DCBLD2: variants seen among roughly 807,000 people sequenced by gnomAD.
DCBLD2 encodes discoidin, CUB and LCCL domain-containing protein 2.
A neutral mutation model predicts 86.8 loss-of-function variants in DCBLD2; 54 were observed. The observed-to-expected ratio is 0.62, with a 90% CI of 0.50 to 0.78. The LOEUF (loss-of-function observed/expected upper bound fraction) is 0.78. Among genes scored for constraint, DCBLD2 ranks in the 30% least tolerant of loss-of-function variants. The pLI, the probability that DCBLD2 is intolerant of heterozygous loss-of-function variation, is 0.00. For synonymous variants in DCBLD2, 354 were observed against 341.3 expected (o/e 1.04, Z -0.41); for missense variants, 908 against 954.2 (o/e 0.95, Z 0.64).
At chr3:98,875,304 C>T (rs973643538) in intron 2 of DCBLD2, among the ~76,000 whole-genome samples, 4 of 152,084 alleles carry the variant, frequency 2.6e-5, no homozygotes, top group Admixed American at 6.5e-5. Flanking sequence ...AAAACACCTC[C>T]ATCTCCATTG....
Position 98,870,737 on chromosome 3 carries a change from A to AAAAGAAAGAAAGAAAGAAAGAAAGAG in DCBLD2, c.433+10802_433+10803insCTCTTTCTTTCTTTCTTTCTTTCTTT, listed in dbSNP as rs1943252689. ...AAGAAAAAGGAAAAGAAAAGAAAGA[A>AAAAGAAAGAAAGAAAGAAAGAAAGAG]AAAGAAAGAAAGAAAGAAAGAAAGA... On this transcript the variant is annotated intron_variant, in intron 2 of 15. Transcript: ENST00000326840. Among the ~76,000 whole-genome samples the AAAAGAAAGAAAGAAAGAAAGAAAGAG allele has an allele frequency of 4.4e-3, 310 of 69,800 alleles. 4 individuals are homozygous for AAAAGAAAGAAAGAAAGAAAGAAAGAG. Among genetic ancestry groups the AAAAGAAAGAAAGAAAGAAAGAAAGAG allele is most frequent in the Middle Eastern group, 6.7e-3 (1 of 150 alleles). The allele number at this position is 69,800 out of a possible 152,430, so 45.8% of individuals were successfully genotyped here.
chr3:98,814,572 T>C (rs947473647), intron 9 of DCBLD2: 1 of 152,148 alleles, frequency 6.6e-6, no homozygotes, highest in Non-Finnish European at 1.5e-5. Context: ...TATGGCATAA[T>C]GTTAGAAAGT....
intron 14 of DCBLD2, 64 bp downstream of exon 14, chr3:98,801,536 C>T: frequency 7.5e-7 from 1 of 1,338,546 alleles, no homozygotes; most frequent in Admixed American, 2.0e-5. Flanking sequence ...TTTTTCACTA[C>T]TGCCCCCTGT....
Position 98,822,285 on chromosome 3 carries a change from A to G in DCBLD2, c.773T>C (p.Ile258Thr), listed in dbSNP as rs370306213. ...NTLGGQISVV[I>T]SKGIPYYESS... ...TTCATAATAGGGGATACCTTTACTAATTACAACACTGATTTGGCCGCCCAA... is the reference window on the plus strand; with the variant it reads ...TTCATAATAGGGGATACCTTTACTAGTTACAACACTGATTTGGCCGCCCAA... The change falls in exon 6 of 16, where the codon ATT (isoleucine) becomes ACT (threonine). Residue 258 changes from isoleucine (I) to threonine (T), a missense_variant. Ile to Thr is a moderately conservative substitution (Grantham distance 89). Around this residue, in one of 3 missense-constraint regions of DCBLD2, gnomAD observed 606 missense variants for 678.5 expected, o/e 0.89. Coordinates refer to ENST00000326840, the MANE Select transcript of DCBLD2 (RefSeq NM_080927.4). 18 of 1,613,810 alleles carry G rather than the reference A, an allele frequency of 1.1e-5. No homozygotes were observed. The highest frequency in any genetic ancestry group is 1.5e-5 in the Non-Finnish European group (18 of 1,179,868).
intron 1 of DCBLD2, among the ~76,000 whole-genome samples, chr3:98,886,141 A>T (rs1401170432): frequency 1.3e-5 from 2 of 151,954 alleles, no homozygotes; most frequent in Non-Finnish European, 2.9e-5. Context: ...ATCAGCAGTT[A>T]TACTAAAGAG....
At chr3:98,821,441 C>A (rs1942116975) in intron 6 of DCBLD2, among the ~76,000 whole-genome samples, 1 of 152,210 alleles carries the variant, frequency 6.6e-6, no homozygotes, top group African/African-American at 2.4e-5. Flanking sequence ...CATGAAAATA[C>A]ATCTTCAAAA....
chr3:98,888,895 C>T (rs549837003), intron 1 of DCBLD2, among the ~76,000 whole-genome samples: 8 of 152,098 alleles, frequency 5.3e-5, no homozygotes, highest in African/African-American at 1.7e-4. Flanking sequence ...GAAACTACTC[C>T]CAACTCTGAA....
intron 1 of DCBLD2, among the ~76,000 whole-genome samples, chr3:98,896,105 C>T (rs1337488251): frequency 6.6e-6 from 1 of 152,222 alleles, no homozygotes; most frequent in African/African-American, 2.4e-5. Context: ...AGCAGCAAAT[C>T]AAAGTTTTTC....
Position 98,901,177 on chromosome 3 carries a change from G to A in DCBLD2, c.150C>T (p.Phe50=), listed in dbSNP as rs765051682. 23 of 1,537,848 alleles carry A rather than the reference G, an allele frequency of 1.5e-5. No individual in the cohort carries two copies. Among genetic ancestry groups the A allele is most frequent in the Admixed American group, 3.9e-5 (2 of 50,994 alleles). The change falls in exon 1 of 16, where the codon TTC becomes TTT. Residue 50 remains phenylalanine (F), a synonymous_variant. Transcript: ENST00000326840. ...GGAGCAGGACAAGTAAGAGCAGGAG[G>A]AACAGAGGCATGGAGAAGGAGGAGG... is the stretch of plus-strand genomic sequence containing the variant. The part of the protein sequence containing the change: ...SNSSSFSMPL[F]LLLLLVLLLL...
intron 9 of DCBLD2, chr3:98,815,329 A>G (rs1258822688): frequency 2.0e-5 from 3 of 152,192 alleles, no homozygotes; most frequent in Admixed American, 1.3e-4. Flanking sequence ...AGTACTTAGA[A>G]CAGTATTGTC....
intron 13 of DCBLD2, among the ~76,000 whole-genome samples, chr3:98,803,693 G>A (rs78044496): frequency 0.31 from 46,835 of 151,990 alleles, 8,628 homozygotes; most frequent in East Asian, 0.68. Flanking sequence ...GTCATACATA[G>A]CTCTTATTAT....
intron 2 of DCBLD2, among the ~76,000 whole-genome samples, chr3:98,869,130 CTTCT>C (rs969371238): frequency 6.6e-6 from 1 of 152,070 alleles, no homozygotes; most frequent in Non-Finnish European, 1.5e-5. Context: ...TGTTTTTTGA[CTTCT>C]TAATGGCCAT....
rs1300455306 is a variant in DCBLD2, at chr3:98,901,286, T to C, written c.41A>G (p.Gln14Arg). The change falls in exon 1 of 16, where the codon CAG becomes CGG. Residue 14 changes from glutamine (Q) to arginine (R), a missense_variant. This residue lies in a region of DCBLD2 where 294 missense variants were observed against 256.0 expected (regional missense o/e 1.15). Transcript: ENST00000326840. ...RAVVRARRCP[Q>R]CPQVRAAAAA... ...GGCCGCGGCCCGGACTTGGGGACAC[T>C]GCGGGCAGCGCCTGGCTCTCACCAC... 14 of 1,524,410 alleles carry C rather than the reference T, an allele frequency of 9.2e-6. No homozygotes were observed. Among genetic ancestry groups the C allele is most frequent in the African/African-American group, 1.4e-5 (1 of 72,150 alleles). 94.4% of individuals were successfully genotyped at this position (1,524,410 alleles called of 1,614,324 possible).
intron 2 of DCBLD2, among the ~76,000 whole-genome samples, chr3:98,871,985 C>G (rs909688589): frequency 6.6e-6 from 1 of 152,250 alleles, no homozygotes; most frequent in African/African-American, 2.4e-5. Flanking sequence ...TTGGTCCATT[C>G]AGGATTTCTG....
In DCBLD2 at chr3:98,901,422, G is replaced by T; in HGVS notation, c.-96C>A. 3 of 1,209,832 alleles carry T rather than the reference G, an allele frequency of 2.5e-6. No homozygotes were observed. Among genetic ancestry groups the T allele is most frequent in the Non-Finnish European group, 3.1e-6 (3 of 964,758 alleles). 74.9% of individuals were successfully genotyped at this position (1,209,832 alleles called of 1,614,324 possible). A position where few individuals can be genotyped will look rare whatever the true frequency, so the allele number is the denominator to read the frequency against. ...CCGACCAGGAGACGGCGGCAGCGGC[G>T]GGAGAACAAGAGGCAGCCCTCGCCT... On this transcript the variant is annotated 5_prime_UTR_variant, in exon 1 of 16. Coordinates refer to ENST00000326840, the MANE Select transcript of DCBLD2 (RefSeq NM_080927.4).
chr3:98,811,557 T>C lies in DCBLD2; in HGVS notation c.1364-3A>G, dbSNP rs1205800678. ...TTGAGTAAGTTTTGGAGGACGACCTTGAAAAATGGTTTAGAAAAATTTAAA... is the reference window on the plus strand; with the variant it reads ...TTGAGTAAGTTTTGGAGGACGACCTCGAAAAATGGTTTAGAAAAATTTAAA... On this transcript the variant is annotated splice_polypyrimidine_tract_variant and splice_region_variant and intron_variant, in intron 10 of 15. Coordinates refer to ENST00000326840, the MANE Select transcript of DCBLD2 (RefSeq NM_080927.4). 2.6e-6 allele frequency: 4 copies of C among 1,557,514 alleles called. No homozygotes were observed. The South Asian group carries it at 4.8e-5, about 19-fold the overall frequency.
At position 98,822,312 on chromosome 3, in the gene DCBLD2, G is replaced by C. The variant is rs747492072; in HGVS notation, c.746C>G (p.Thr249Arg). 6.2e-7 allele frequency: 1 copy of C among 1,613,938 alleles called. No individual in the cohort carries two copies. Among genetic ancestry groups the C allele is most frequent in the Non-Finnish European group, 8.5e-7 (1 of 1,179,866 alleles). Residue 249 changes from threonine (T) to arginine (R), a missense_variant, in exon 6 of 16, where the codon ACG (threonine) becomes AGG (arginine). Around this residue, in one of 3 missense-constraint regions of DCBLD2, gnomAD observed 606 missense variants for 678.5 expected, o/e 0.89. Transcript: ENST00000326840. ...AGVHAGVVSN[T>R]LGGQISVVIS... ...TACAACACTGATTTGGCCGCCCAACGTGTTTGACACTACTCCTGCATGCAC... is the reference window on the plus strand; with the variant it reads ...TACAACACTGATTTGGCCGCCCAACCTGTTTGACACTACTCCTGCATGCAC...
At chr3:98,876,863 C>T (rs1233250503) in intron 2 of DCBLD2, among the ~76,000 whole-genome samples, 2 of 152,072 alleles carry the variant, frequency 1.3e-5, no homozygotes. Flanking sequence ...CAAAATGATG[C>T]ACAGTGATTT....
chr3:98,899,098 C>A (rs1158968981), intron 1 of DCBLD2, among the ~76,000 whole-genome samples: 1 of 150,198 alleles, frequency 6.7e-6, no homozygotes, highest in Admixed American at 6.6e-5. Flanking sequence ...AAAAAAAAGT[C>A]TTTTAATTAT....
Sources: gnomAD v4.1 joint callset for allele counts (sites outside exome capture counted in the v4.1 genomes callset) on GRCh38, gnomAD v4.1.1 for gene constraint, gnomAD v4.1.1 regional missense constraint, MANE v1.5 for transcripts, NCBI Gene and HGNC (gene_info 2026-07-23, HGNC 2026-07-21) for gene names.